Variants in MSRA observed in about 807,000 individuals in gnomAD.
MSRA encodes methionine sulfoxide reductase A.
Under a neutral mutation model 31.3 loss-of-function variants are expected in MSRA, and 54 were observed. That is an observed-to-expected ratio of 1.73 (90% CI 1.39 to 2.17). The LOEUF is 2.17. Among genes scored for constraint, MSRA ranks in the 30% most tolerant of loss-of-function variants. The pLI is 0.00. For missense variants in MSRA, 507 were observed against 300.9 expected, an observed-to-expected ratio of 1.69 and a Z score of -5.07; for synonymous variants, 169 against 116.5, an observed-to-expected ratio of 1.45 and a Z score of -2.90.
rs1487262519 is a variant in MSRA, at chr8:10,428,823, T to A, written c.*511T>A. Reference sequence around the variant, plus strand: ...AAAAGATGTGAGTCCGCTTGATGAATTCTAATGCTTTGCTTAGAGCTATGA... The same window carrying A: ...AAAAGATGTGAGTCCGCTTGATGAAATCTAATGCTTTGCTTAGAGCTATGA... On this transcript the variant is annotated 3_prime_UTR_variant, in exon 6 of 6. Coordinates refer to ENST00000317173, the MANE Select transcript of MSRA (RefSeq NM_012331.5). 1 of 158,334 alleles carries A rather than the reference T, an allele frequency of 6.3e-6. No homozygotes were observed. The highest frequency in any genetic ancestry group is 1.4e-5 in the Non-Finnish European group (1 of 72,712). 9.8% of individuals were successfully genotyped at this position (158,334 alleles called of 1,614,324 possible).
In MSRA at chr8:10,388,084, A is replaced by C. The variant is rs75914669; in HGVS notation, c.544-40064A>C. Among the ~76,000 whole-genome samples, 34 of 152,360 alleles carry C rather than the reference A, an allele frequency of 2.2e-4. No individual in the cohort carries two copies. In the East Asian group the frequency reaches 6.4e-3, roughly 29 times the overall value. On this transcript the variant is annotated intron_variant, in intron 5 of 5. Coordinates refer to ENST00000317173, the MANE Select transcript of MSRA (RefSeq NM_012331.5). ...AAGACAATTAACAAAGTAAATTTAC[A>C]AACAGAAGTTTATTAACATGTACAT...
chr8:10,417,157 CCT>C (rs1203818358), intron 5 of MSRA, among the ~76,000 whole-genome samples: 6 of 152,144 alleles, frequency 3.9e-5, no homozygotes, highest in African/African-American at 9.7e-5. Context: ...AATTGTGTCA[CCT>C]CTTTCTCTCC....
chr8:10,198,818 G>T (rs1313057720), intron 1 of MSRA, among the ~76,000 whole-genome samples: 3 of 152,074 alleles, frequency 2.0e-5, no homozygotes, highest in African/African-American at 7.2e-5. Flanking sequence ...TGTAGCAATG[G>T]GAGTCTCGCT....
chr8:10,294,481 T>C (rs1189602492), intron 3 of MSRA, among the ~76,000 whole-genome samples: 2 of 152,120 alleles, frequency 1.3e-5, no homozygotes. Context: ...TTAAAGCCCA[T>C]AGAGGAAGAA....
chr8:10,151,249 G>A (rs1267350185), intron 1 of MSRA, among the ~76,000 whole-genome samples: 20 of 132,726 alleles, frequency 1.5e-4, no homozygotes, highest in Non-Finnish European at 2.4e-4. Context: ...GTGACAGAGC[G>A]AGAGTCTGTC....
chr8:10,411,512 C>G (rs1392373584), intron 5 of MSRA: 1 of 151,096 alleles, frequency 6.6e-6, no homozygotes, highest in East Asian at 1.9e-4. Flanking sequence ...AAAAAAAAAA[C>G]CCAATCATTG....
chr8:10,422,200 C>T (rs899440283), intron 5 of MSRA, among the ~76,000 whole-genome samples: 15 of 152,174 alleles, frequency 9.9e-5, no homozygotes, highest in East Asian at 3.9e-4. Flanking sequence ...GTACAAGGAT[C>T]GCTTGAGCCC....
chr8:10,059,555 G>A (rs1020760250), intron 1 of MSRA, among the ~76,000 whole-genome samples: 5 of 152,194 alleles, frequency 3.3e-5, no homozygotes, highest in African/African-American at 1.2e-4. Context: ...TAATCTGGGT[G>A]TGAGGAAAGC....
intron 3 of MSRA, among the ~76,000 whole-genome samples, chr8:10,261,920 G>C (rs761871367): frequency 6.6e-6 from 1 of 152,110 alleles, no homozygotes; most frequent in East Asian, 1.9e-4. Flanking sequence ...TGATAGTTCC[G>C]CCTTTTCCAG....
chr8:10,056,218 A>AG (rs1371855730), intron 1 of MSRA, among the ~76,000 whole-genome samples: 2 of 151,438 alleles, frequency 1.3e-5, no homozygotes, highest in Non-Finnish European at 2.9e-5. Context: ...AAAAAAAAAA[A>AG]AAACCCCAAA....
intron 5 of MSRA, among the ~76,000 whole-genome samples, chr8:10,382,230 C>T (rs1033257830): frequency 1.3e-5 from 2 of 152,228 alleles, no homozygotes; most frequent in Non-Finnish European, 2.9e-5. Context: ...TATGGCTGCT[C>T]TTCCAAGGCC....
At chr8:10,309,350 G>A (rs748261796) in intron 4 of MSRA, among the ~76,000 whole-genome samples, 14 of 152,232 alleles carry the variant, frequency 9.2e-5, no homozygotes, top group African/African-American at 2.2e-4. Flanking sequence ...CGCCTGGTGC[G>A]GAATAAGCGC....
chr8:10,153,167 C>T (rs1225350008), intron 1 of MSRA, among the ~76,000 whole-genome samples: 1 of 152,140 alleles, frequency 6.6e-6, no homozygotes, highest in Admixed American at 6.5e-5. Flanking sequence ...AGGTGTCTTT[C>T]ACCACAATTA....
At chr8:10,169,317 G>A (rs1805406490) in intron 1 of MSRA, among the ~76,000 whole-genome samples, 1 of 152,204 alleles carries the variant, frequency 6.6e-6, no homozygotes, top group African/African-American at 2.4e-5. Context: ...TGCCTTAACT[G>A]AGGGAAGTTT....
intron 4 of MSRA, among the ~76,000 whole-genome samples, chr8:10,312,330 T>G (rs920544879): frequency 2.6e-5 from 4 of 152,180 alleles, no homozygotes; most frequent in Non-Finnish European, 4.4e-5. Context: ...AAGTGGGATA[T>G]CACTACAGAT....
intron 3 of MSRA, among the ~76,000 whole-genome samples, chr8:10,286,558 G>A (rs1585370323): frequency 1.3e-5 from 2 of 152,254 alleles, no homozygotes; most frequent in African/African-American, 4.8e-5. Flanking sequence ...TCTTGGGTAT[G>A]TCTTTACCAG....
At chr8:10,193,990 A>G (rs1018963052) in intron 1 of MSRA, among the ~76,000 whole-genome samples, 2 of 152,220 alleles carry the variant, frequency 1.3e-5, no homozygotes, top group Non-Finnish European at 2.9e-5. Flanking sequence ...CAGAATGTGA[A>G]CATATAAAAT....
intron 4 of MSRA, among the ~76,000 whole-genome samples, chr8:10,317,896 C>G (rs7835960): frequency 6.6e-6 from 1 of 151,954 alleles, no homozygotes; most frequent in Non-Finnish European, 1.5e-5. Flanking sequence ...GATCTTTCCA[C>G]GCATCTCTGG....
rs190363299 is a variant in MSRA at position 10,333,381 on chromosome 8, G to C, written c.543+13392G>C. On this transcript the variant is annotated intron_variant, in intron 5 of 5. Transcript: ENST00000317173. ...GTTTGAAGCCCACAATTTCCTGAAG[G>C]TGATGGCTGAGGTGAAGAGCAGGAA... Among the ~76,000 whole-genome samples, 485 of 152,238 alleles carry C rather than the reference G, an allele frequency of 3.2e-3. 7 individuals carry two copies. The highest frequency in any genetic ancestry group is 0.028 in the Admixed American group (429 of 15,306).
Sources: allele counts gnomAD v4.1 joint callset (sites outside exome capture counted in the v4.1 genomes callset), GRCh38; gene constraint gnomAD v4.1.1; transcripts MANE v1.5; gene names NCBI Gene and HGNC (gene_info 2026-07-23, HGNC 2026-07-21).